Variants in FRS3 observed in about 807,000 individuals in gnomAD.
The protein encoded by FRS3 is fibroblast growth factor receptor substrate 3, also known as FGFR substrate 3.
Under a neutral mutation model 41.9 loss-of-function variants are expected in FRS3, and 17 were observed. That is an observed-to-expected ratio of 0.41 (90% CI 0.28 to 0.61). The LOEUF (loss-of-function observed/expected upper bound fraction) is 0.61. Among genes scored for constraint, FRS3 ranks in the 20% least tolerant of loss-of-function variants. The probability of loss-of-function intolerance (pLI) is 0.36; values close to 1 mark genes in which losing one functional copy is unlikely to be tolerated. For synonymous variants in FRS3, 287 were observed against 274.5 expected, an observed-to-expected ratio of 1.05 and a Z score of -0.45; for missense variants, 619 against 672.1, an observed-to-expected ratio of 0.92 and a Z score of 0.87.
intron 6 of FRS3, 24 bp from the exon 7 acceptor site, chr6:41,771,557 C>T: frequency 6.7e-7 from 1 of 1,498,672 alleles, no homozygotes; most frequent in Non-Finnish European, 8.9e-7. Context: ...CCAAGTGAGG[C>T]AGGAGTGTCC....
In FRS3 at chr6:41,771,866, G is replaced by A. The variant is rs147233844; in HGVS notation, c.514C>T (p.Pro172Ser). The change falls in exon 6 of 7, where the codon CCC becomes TCC. Residue 172 changes from proline (P) to serine (S), a missense_variant. Coordinates refer to ENST00000373018, the MANE Select transcript of FRS3 (RefSeq NM_006653.5). The part of the protein sequence containing the change: ...RRLSTSSLRH[P>S]SLGEESTHAL... The stretch of plus-strand genomic sequence containing the variant: ...TGGGTGGACTCTTCCCCAAGCGAGG[G>A]GTGCCGCAGGCTGCTTGTCGAGAGC... 1,711 of 1,553,524 alleles carry A rather than the reference G, an allele frequency of 1.1e-3. 13 individuals are homozygous for A. The highest frequency in any genetic ancestry group is 0.011 in the African/African-American group (780 of 73,356).
At chr6:41,774,135 G>A (rs867757548) in intron 4 of FRS3, among the ~76,000 whole-genome samples, 1 of 151,982 alleles carries the variant, frequency 6.6e-6, no homozygotes, top group Middle Eastern at 3.2e-3. Context: ...ATTTTTAGTA[G>A]AGACAGGGTT....
chr6:41,771,614 A>C lies in FRS3; in HGVS notation c.565-81T>G, dbSNP rs1253697139. ...CAGAAGGGACAGGATGAGAGAAAAG[A>C]AGCACACAGAAAAAGACCTGGAGTT... On this transcript the variant is annotated intron_variant, in intron 6 of 6. Coordinates refer to ENST00000373018, the MANE Select transcript of FRS3 (RefSeq NM_006653.5). 5.0e-5 allele frequency: 65 copies of C among 1,292,128 alleles called. No homozygotes were observed. The Middle Eastern group carries it at 6.3e-4, about 13-fold the overall frequency. The allele number at this position is 1,292,128 out of a possible 1,614,324, so 80.0% of individuals were successfully genotyped here. A position where few individuals can be genotyped will look rare whatever the true frequency, so the allele number is the denominator to read the frequency against.
rs1337138177 is a variant in FRS3 at position 41,770,210 on chromosome 6, T to C, written c.*409A>G. ...AAAATAATTATATTAATAATAAATA[T>C]GTTAAATTACATTTAAAACAATAAA... is the stretch of plus-strand genomic sequence containing the variant. On this transcript the variant is annotated 3_prime_UTR_variant, in exon 7 of 7. Transcript: ENST00000373018. 1 of 153,194 alleles carries C rather than the reference T, an allele frequency of 6.5e-6. No homozygotes were observed. The highest frequency in any genetic ancestry group is 1.5e-5 in the Non-Finnish European group (1 of 68,792). 9.5% of individuals were successfully genotyped at this position (153,194 alleles called of 1,614,324 possible).
rs1214844268 is a variant in FRS3 at position 41,773,520 on chromosome 6, A to C, written c.254-561T>G. On this transcript the variant is annotated intron_variant, in intron 4 of 6. Coordinates refer to ENST00000373018, the MANE Select transcript of FRS3 (RefSeq NM_006653.5). ...TGAACACTCCAGCTATATTGCTCTG[A>C]AGCGAAATCATTTTCATAAGGATGT... Among the ~76,000 whole-genome samples, 7 of 152,282 alleles carry C rather than the reference A, an allele frequency of 4.6e-5. No individual in the cohort carries two copies. In the South Asian group the frequency reaches 1.5e-3, roughly 32 times the overall value.
chr6:41,773,075 G>A, intron 4 of FRS3, 116 bp from the exon 5 acceptor site: 2 of 747,264 alleles, frequency 2.7e-6, no homozygotes, highest in East Asian at 2.6e-5. Flanking sequence ...TGTAGGGGCA[G>A]GAGAGCCTCT....
intron 2 of FRS3, chr6:41,777,346 G>A (rs1285621617): frequency 4.9e-6 from 1 of 205,898 alleles, no homozygotes; most frequent in Non-Finnish European, 9.9e-6. Context: ...AAGAAAAGTA[G>A]GGGTCCAGGA....
chr6:41,776,649 T>G, intron 3 of FRS3: 1 of 390,702 alleles, frequency 2.6e-6, no homozygotes, highest in East Asian at 4.0e-5. Context: ...GGGGGATATA[T>G]AAAGTTATAA....
intron 4 of FRS3, 77 bp from the exon 5 acceptor site, chr6:41,773,036 GA>G: frequency 4.9e-6 from 6 of 1,231,864 alleles, no homozygotes; most frequent in Non-Finnish European, 7.1e-6. Context: ...CAATGTGCAG[GA>G]AATGTCCCTC....
chr6:41,777,138 C>A, intron 2 of FRS3, 128 bp from the exon 3 acceptor site: 1 of 655,126 alleles, frequency 1.5e-6, no homozygotes, highest in South Asian at 1.8e-5. Context: ...GATACAGACC[C>A]CCCCTCAAAG....
chr6:41,771,486 C>T lies in FRS3; in HGVS notation c.612G>A (p.Arg204=), dbSNP rs1772293370. The part of the protein sequence containing the change: ...NTPASEDDHR[R]GRHCLQPLPE... ...GCAGGGGCTGCAGGCAGTGGCGGCCCCTGCGGTGGTCATCTTCACTGGCCG... is the reference window on the plus strand; with the variant it reads ...GCAGGGGCTGCAGGCAGTGGCGGCCTCTGCGGTGGTCATCTTCACTGGCCG... Residue 204 remains arginine (R), a synonymous_variant, in exon 7 of 7, where the codon AGG becomes AGA. Transcript: ENST00000373018. The T allele has an allele frequency of 4.4e-6, 7 of 1,575,188 alleles. No individual in the cohort carries two copies. The highest frequency in any genetic ancestry group is 6.0e-6 in the Non-Finnish European group (7 of 1,161,556).
chr6:41,772,564 A>T (rs1328632743), intron 5 of FRS3, among the ~76,000 whole-genome samples: 1 of 152,060 alleles, frequency 6.6e-6, no homozygotes, highest in African/African-American at 2.4e-5. Flanking sequence ...CTGCTCCCCA[A>T]CCATCAGTCA....
rs753256771 is a variant in FRS3, at chr6:41,771,291, G to C, written c.807C>G (p.His269Gln). ...CAGAAGGGGCCTCATTGTTATTATTGTGGTGTGGGGGGTCATGCAGGCTGG... is the reference window on the plus strand; with the variant it reads ...CAGAAGGGGCCTCATTGTTATTATTCTGGTGTGGGGGGTCATGCAGGCTGG... ...LCPSLHDPPH[H>Q]NNNNEAPSEC... is the part of the protein sequence containing the mutation. The change falls in exon 7 of 7, where the codon CAC (histidine) becomes CAG (glutamine). Residue 269 changes from histidine to glutamine, a missense_variant. Around this residue, in one of 3 missense-constraint regions of FRS3, gnomAD observed 487 missense variants for 478.3 expected, o/e 1.02. Coordinates refer to ENST00000373018, the MANE Select transcript of FRS3 (RefSeq NM_006653.5). 6.2e-7 allele frequency: 1 copy of C among 1,613,276 alleles called. No individual in the cohort carries two copies. The highest frequency in any genetic ancestry group is 2.2e-5 in the East Asian group (1 of 44,848).
chr6:41,777,805 G>A (rs1179360860), intron 2 of FRS3: 1 of 152,128 alleles, frequency 6.6e-6, no homozygotes, highest in Non-Finnish European at 1.5e-5. Context: ...GAATGAAGAG[G>A]ACACCACCCA....
intron 4 of FRS3, among the ~76,000 whole-genome samples, chr6:41,775,197 T>A (rs1475121889): frequency 6.6e-6 from 1 of 152,150 alleles, no homozygotes; most frequent in Non-Finnish European, 1.5e-5. Flanking sequence ...AGAGATAAAC[T>A]CAGACCATGC....
At position 41,770,767 on chromosome 6, in the gene FRS3, G is replaced by A. The variant is rs1772265330; in HGVS notation, c.1331C>T (p.Pro444Leu). The A allele has an allele frequency of 4.3e-6, 7 of 1,613,508 alleles. No homozygotes were observed. Among genetic ancestry groups the A allele is most frequent in the South Asian group, 1.1e-5 (1 of 91,080 alleles). The change falls in exon 7 of 7, where the codon CCC becomes CTC. Residue 444 changes from proline (P) to leucine (L), a missense_variant. Pro to Leu is a moderately conservative substitution (Grantham distance 98). This residue lies in a region of FRS3 where 487 missense variants were observed against 478.3 expected (regional missense o/e 1.02). Transcript: ENST00000373018. Reference protein sequence around the residue: ...QNPSSPQAPMPTTHPARSSDS... With the variant: ...QNPSSPQAPMLTTHPARSSDS... ...TGAGCTTCGGGCAGGGTGGGTGGTG[G>A]GCATGGGGGCTTGGGGGCTCGAGGG...
chr6:41,779,664 C>G lies in FRS3; in HGVS notation c.-168+152G>C, dbSNP rs1437719657. Among the ~76,000 whole-genome samples, 13 of 151,984 alleles carry G rather than the reference C, an allele frequency of 8.6e-5. No individual in the cohort carries two copies. In the South Asian group the frequency reaches 2.3e-3, roughly 27 times the overall value. ...GAGGAGGTCTGGGTGCGCGCTGTCC[C>G]CGGATCCCCGCCCCCAGCCCCGGTG... On this transcript the variant is annotated intron_variant, in intron 1 of 6. Coordinates refer to ENST00000373018, the MANE Select transcript of FRS3 (RefSeq NM_006653.5).
chr6:41,771,273 G>T lies in FRS3; in HGVS notation c.825C>A (p.Ala275=), dbSNP rs769639339. ...TGGGCTGGGCTGGACACTCAGAAGGGGCCTCATTGTTATTATTGTGGTGTG... is the reference window on the plus strand; with the variant it reads ...TGGGCTGGGCTGGACACTCAGAAGGTGCCTCATTGTTATTATTGTGGTGTG... ...DPPHHNNNNE[A]PSECPAQPKC... The change falls in exon 7 of 7, where the codon GCC becomes GCA. Residue 275 remains alanine, a synonymous_variant. Coordinates refer to ENST00000373018, the MANE Select transcript of FRS3 (RefSeq NM_006653.5). 3 of 1,611,926 alleles carry T rather than the reference G, an allele frequency of 1.9e-6. No homozygotes were observed. In the African/African-American group the frequency reaches 4.0e-5, roughly 22 times the overall value.
rs778865534 is a variant in FRS3 at position 41,771,155 on chromosome 6, G to A, written c.943C>T (p.Arg315Cys). 1.5e-5 allele frequency: 23 copies of A among 1,556,614 alleles called. No individual in the cohort carries two copies. Among genetic ancestry groups the A allele is most frequent in the South Asian group, 4.9e-5 (4 of 81,812 alleles). ...EEPGWNGLAH[R>C]RAALLHYENL... ...TCATAGTGCAGCAGGGCGGCCCGGC[G>A]GTGGGCAAGGCCATTCCAGCCCGGC... Residue 315 changes from arginine (R) to cysteine (C), a missense_variant, in exon 7 of 7, where the codon CGC becomes TGC. Transcript: ENST00000373018.
Sources: gnomAD v4.1 joint callset for allele counts (sites outside exome capture counted in the v4.1 genomes callset) on GRCh38, gnomAD v4.1.1 for gene constraint, gnomAD v4.1.1 regional missense constraint, MANE v1.5 for transcripts, NCBI Gene and HGNC (gene_info 2026-07-23, HGNC 2026-07-21) for gene names.